LARS2: variants seen among roughly 807,000 people sequenced by gnomAD.
LARS2 encodes leucine--tRNA ligase, mitochondrial.
Under a neutral mutation model 116.6 loss-of-function variants are expected in LARS2, and 81 were observed. That is an observed-to-expected ratio of 0.69 (90% confidence interval 0.58 to 0.84). The LOEUF is 0.84. Ranked by LOEUF, LARS2 falls within the 40% of genes least tolerant of loss-of-function variation. The pLI is 0.00. For synonymous variants in LARS2, 396 were observed against 407.2 expected, an observed-to-expected ratio of 0.97 and a Z score of 0.33; for missense variants, 968 against 1,114.5, an observed-to-expected ratio of 0.87 and a Z score of 1.87.
chr3:45,492,444 G>A (rs73072116), intron 13 of LARS2, among the ~76,000 whole-genome samples: 94 of 152,268 alleles, frequency 6.2e-4, no homozygotes, highest in Non-Finnish European at 9.0e-4. Context: ...CTTCTTCTGC[G>A]GAGAAGCCAT....
chr3:45,410,815 T>C (rs982717625), intron 4 of LARS2, among the ~76,000 whole-genome samples: 1 of 152,198 alleles, frequency 6.6e-6, no homozygotes, highest in African/African-American at 2.4e-5. Context: ...ATTCAGGGAC[T>C]TGCCTCTCTC....
In LARS2 at chr3:45,485,748, G is replaced by C. The variant is rs575202634; in HGVS notation, c.1075G>C (p.Val359Leu). ...GCTTACCCAGCAGGAGGTCCCTGTC[G>C]TTATTTTGGCCAAAGCTGACTTGGA... Reference protein sequence around the residue: ...NMLTQQEVPVVILAKADLEGS... With the variant: ...NMLTQQEVPVLILAKADLEGS... The change falls in exon 11 of 22, where the codon GTT becomes CTT. Residue 359 changes from valine to leucine, a missense_variant. Physicochemically the swap from Val to Leu is conservative, Grantham distance 32. Transcript: ENST00000645846. The C allele has an allele frequency of 3.1e-6, 5 of 1,611,864 alleles. No individual in the cohort carries two copies. The South Asian group carries it at 5.5e-5, about 18-fold the overall frequency.
At chr3:45,513,289 G>T (rs891389314) in intron 16 of LARS2, 54 bp downstream of exon 16, 62 of 1,173,740 alleles carry the variant, frequency 5.3e-5, no homozygotes, top group Non-Finnish European at 7.8e-5. Context: ...CCAAGGCCAG[G>T]CCTGAGAGCT....
At chr3:45,494,885 T>C (rs1323628723) in intron 13 of LARS2, among the ~76,000 whole-genome samples, 4 of 152,130 alleles carry the variant, frequency 2.6e-5, no homozygotes, top group African/African-American at 7.2e-5. Context: ...CTGGCCAACA[T>C]GGTGAAACCC....
intron 4 of LARS2, among the ~76,000 whole-genome samples, chr3:45,406,610 T>A (rs1698235977): frequency 6.6e-6 from 1 of 152,166 alleles, no homozygotes; most frequent in African/African-American, 2.4e-5. Flanking sequence ...GTCAAAGCGG[T>A]GATGGTGTCT....
intron 6 of LARS2, among the ~76,000 whole-genome samples, chr3:45,433,143 C>G (rs955503331): frequency 6.6e-6 from 1 of 152,000 alleles, no homozygotes; most frequent in Non-Finnish European, 1.5e-5. Flanking sequence ...TTTCAACCCA[C>G]TTATTATATT....
chr3:45,409,173 A>C (rs1373500042), intron 4 of LARS2, among the ~76,000 whole-genome samples: 2 of 151,754 alleles, frequency 1.3e-5, no homozygotes, highest in African/African-American at 4.8e-5. Flanking sequence ...TCAAGCATAT[A>C]AATAGAGATG....
chr3:45,496,813 T>C (rs1309011811), intron 14 of LARS2, among the ~76,000 whole-genome samples: 2 of 152,230 alleles, frequency 1.3e-5, no homozygotes, highest in Non-Finnish European at 2.9e-5. Flanking sequence ...CAGTCAACTG[T>C]GCACCTCGGA....
At chr3:45,506,991 C>T (rs544646677) in intron 15 of LARS2, 4 of 151,998 alleles carry the variant, frequency 2.6e-5, no homozygotes, top group Non-Finnish European at 5.9e-5. Context: ...ATCTGAAATA[C>T]CAAGTTAATG....
At chr3:45,441,830 G>A (rs1438758414) in intron 6 of LARS2, among the ~76,000 whole-genome samples, 7 of 152,150 alleles carry the variant, frequency 4.6e-5, no homozygotes, top group Admixed American at 4.6e-4. Flanking sequence ...AGCCTCACTT[G>A]TGTTCTAAGA....
intron 4 of LARS2, among the ~76,000 whole-genome samples, chr3:45,414,297 A>T (rs1698379762): frequency 6.6e-6 from 1 of 152,214 alleles, no homozygotes; most frequent in Non-Finnish European, 1.5e-5. Context: ...TATATTCTCA[A>T]TTTTTAAACA....
intron 12 of LARS2, 124 bp downstream of exon 12, chr3:45,488,936 T>C: frequency 1.4e-6 from 1 of 706,390 alleles, no homozygotes; most frequent in Non-Finnish European, 2.6e-6. Flanking sequence ...CCTTGTGGCC[T>C]CATATCTATC....
At chr3:45,539,910 A>G (rs913289590) in intron 20 of LARS2, among the ~76,000 whole-genome samples, 5 of 151,262 alleles carry the variant, frequency 3.3e-5, no homozygotes, top group African/African-American at 7.3e-5. Context: ...GGTGTTTTGT[A>G]GAGTTGCTTT....
chr3:45,446,866 C>T (rs377541619), intron 6 of LARS2, 25 bp from the exon 7 acceptor site: 13 of 1,448,260 alleles, frequency 9.0e-6, no homozygotes, highest in African/African-American at 1.4e-5. Context: ...ATGGCCTGTA[C>T]ATTATTTTTC....
intron 8 of LARS2, among the ~76,000 whole-genome samples, chr3:45,470,559 C>G (rs923499548): frequency 1.2e-4 from 18 of 152,228 alleles, no homozygotes; most frequent in Middle Eastern, 3.4e-3. Context: ...ATTTAAGGCC[C>G]CTTTGCAAAC....
At chr3:45,406,925 A>C (rs1698242632) in intron 4 of LARS2, among the ~76,000 whole-genome samples, 1 of 152,186 alleles carries the variant, frequency 6.6e-6, no homozygotes, top group Non-Finnish European at 1.5e-5. Context: ...TGTTGTATGC[A>C]CAGATGGTTG....
At chr3:45,541,759 C>G in intron 20 of LARS2, 70 bp from the exon 21 acceptor site, 3 of 1,570,212 alleles carry the variant, frequency 1.9e-6, no homozygotes, top group Non-Finnish European at 2.6e-6. Context: ...GGGATGGAAG[C>G]TTTGGTCCTG....
At chr3:45,525,745 C>T (rs566262385) in intron 20 of LARS2, among the ~76,000 whole-genome samples, 1 of 152,314 alleles carries the variant, frequency 6.6e-6, no homozygotes, top group African/African-American at 2.4e-5. Context: ...TCCTGGCCCC[C>T]TCCAACAGGT....
intron 10 of LARS2, among the ~76,000 whole-genome samples, chr3:45,480,309 G>A (rs1008868427): frequency 3.9e-5 from 6 of 152,230 alleles, no homozygotes; most frequent in Non-Finnish European, 7.3e-5. Flanking sequence ...GTCACACCCA[G>A]TTGACCACGG....
Sources: allele counts gnomAD v4.1 joint callset (sites outside exome capture counted in the v4.1 genomes callset), GRCh38; gene constraint gnomAD v4.1.1; transcripts MANE v1.5; gene names NCBI Gene and HGNC (gene_info 2026-07-23, HGNC 2026-07-21).